The following TMEM132D variants were observed in gnomAD, a reference collection of about 807,000 sequenced individuals.
TMEM132D encodes the protein mature OL transmembrane protein.
TMEM132D carries 21 observed loss-of-function variants against 62.3 expected under a neutral mutation model. The ratio of observed to expected loss-of-function variants is 0.34; its 90% confidence interval spans 0.24 to 0.49. TMEM132D has a LOEUF of 0.49. TMEM132D is among the 20% of genes least tolerant of loss of function. The probability of loss-of-function intolerance (pLI) is 0.99; values close to 1 mark genes in which losing one functional copy is unlikely to be tolerated. For synonymous variants in TMEM132D, 621 were observed against 575.6 expected (o/e 1.08, Z -1.13); for missense variants, 1,346 against 1,402.8 (o/e 0.96, Z 0.65).
At chr12:129,895,004 C>T (rs1369387654) in intron 1 of TMEM132D, among the ~76,000 whole-genome samples, 1 of 152,170 alleles carries the variant, frequency 6.6e-6, no homozygotes, top group African/African-American at 2.4e-5. Context: ...TGTAGCTGCT[C>T]TTCTGAGGTT....
At chr12:129,809,878 T>C (rs984732530) in intron 1 of TMEM132D, among the ~76,000 whole-genome samples, 3 of 151,988 alleles carry the variant, frequency 2.0e-5, no homozygotes, top group Non-Finnish European at 2.9e-5. Flanking sequence ...AATTTGAAAA[T>C]CTGGAGAAAA....
chr12:129,467,356 G>T (rs1403153870), intron 3 of TMEM132D, among the ~76,000 whole-genome samples: 2 of 152,146 alleles, frequency 1.3e-5, no homozygotes, highest in African/African-American at 4.8e-5. Flanking sequence ...AAAGGAAGCT[G>T]GGGGCTTAAG....
chr12:129,240,702 C>T (rs932658217), intron 4 of TMEM132D, among the ~76,000 whole-genome samples: 2 of 152,298 alleles, frequency 1.3e-5, no homozygotes, highest in Non-Finnish European at 2.9e-5. Flanking sequence ...AAGGTTGAGG[C>T]GCTGGAACGT....
intron 3 of TMEM132D, among the ~76,000 whole-genome samples, chr12:129,347,253 C>A (rs747784023): frequency 6.6e-6 from 1 of 152,184 alleles, no homozygotes; most frequent in Non-Finnish European, 1.5e-5. Flanking sequence ...ATAGCCAAGA[C>A]AGTCCTAAGC....
chr12:129,785,195 T>C (rs1871219376), intron 1 of TMEM132D, among the ~76,000 whole-genome samples: 2 of 152,110 alleles, frequency 1.3e-5, no homozygotes, highest in African/African-American at 4.8e-5. Flanking sequence ...ATTGCAGCAA[T>C]GAGCCAAGCA....
At chr12:129,529,042 CATATT>C (rs1174576943) in intron 3 of TMEM132D, among the ~76,000 whole-genome samples, 9 of 152,138 alleles carry the variant, frequency 5.9e-5, no homozygotes, top group Non-Finnish European at 1.3e-4. Context: ...ACACATATAA[CATATT>C]ATACACATAT....
intron 3 of TMEM132D, among the ~76,000 whole-genome samples, chr12:129,486,216 G>A (rs1465422077): frequency 6.6e-6 from 1 of 152,220 alleles, no homozygotes; most frequent in African/African-American, 2.4e-5. Context: ...GCTGCCCGCT[G>A]CAGTCCCTTG....
intron 5 of TMEM132D, among the ~76,000 whole-genome samples, chr12:129,165,932 A>G (rs1451675681): frequency 1.3e-5 from 2 of 152,208 alleles, no homozygotes; most frequent in Non-Finnish European, 2.9e-5. Flanking sequence ...GACGCTGACT[A>G]TGGGCTGAGC....
At chr12:129,460,131 G>C (rs778839017) in intron 3 of TMEM132D, among the ~76,000 whole-genome samples, 1 of 152,136 alleles carries the variant, frequency 6.6e-6, no homozygotes, top group Non-Finnish European at 1.5e-5. Flanking sequence ...AATCAAGACT[G>C]ACCCATGAAA....
chr12:129,720,721 CAGAG>C (rs1868792776), intron 1 of TMEM132D, among the ~76,000 whole-genome samples: 1 of 152,238 alleles, frequency 6.6e-6, no homozygotes, highest in Non-Finnish European at 1.5e-5. Context: ...CAGCAATGAA[CAGAG>C]AGAATCTGCT....
intron 2 of TMEM132D, among the ~76,000 whole-genome samples, chr12:129,581,764 T>C (rs1877870611): frequency 6.6e-6 from 1 of 152,210 alleles, no homozygotes. Flanking sequence ...CAATCTCCTT[T>C]GGTAATGCCC....
chr12:129,339,566 T>C (rs561408525), intron 3 of TMEM132D, among the ~76,000 whole-genome samples: 2 of 152,262 alleles, frequency 1.3e-5, no homozygotes, highest in Admixed American at 1.3e-4. Context: ...CACGGTGGGC[T>C]TTTTTCTCCC....
Position 129,137,768 on chromosome 12 carries a change from C to T in TMEM132D, c.1444-53066G>A, listed in dbSNP as rs558605954. ...TATCTTGCAACCATGAGGCAACAGA[C>T]ATGAGCAAGAAAACCAACCTGCTAA... On this transcript the variant is annotated intron_variant, in intron 5 of 8. Transcript: ENST00000422113. 7.9e-5 allele frequency among the ~76,000 whole-genome samples: 12 copies of T among 152,294 alleles called. No homozygotes were observed. In the South Asian group the frequency reaches 2.5e-3, roughly 32 times the overall value.
intron 3 of TMEM132D, among the ~76,000 whole-genome samples, chr12:129,429,741 G>T (rs56289327): frequency 3.7e-5 from 3 of 81,816 alleles, no homozygotes; most frequent in East Asian, 3.3e-4. Flanking sequence ...CCCCTCCCCC[G>T]ACCCCACAAC....
chr12:129,580,107 G>A (rs147961249), intron 2 of TMEM132D, among the ~76,000 whole-genome samples: 1,664 of 152,276 alleles, frequency 0.011, 71 homozygotes, highest in Admixed American at 0.072. Context: ...GCCCACTTGA[G>A]GAACGAAAGG....
chr12:129,324,595 C>T (rs1450313685), intron 4 of TMEM132D, among the ~76,000 whole-genome samples: 3 of 152,116 alleles, frequency 2.0e-5, no homozygotes, highest in African/African-American at 7.2e-5. Flanking sequence ...CTTTGGGAGG[C>T]AGAGGTGGGT....
At chr12:129,879,535 A>AT (rs1418816152) in intron 1 of TMEM132D, among the ~76,000 whole-genome samples, 1 of 152,230 alleles carries the variant, frequency 6.6e-6, no homozygotes, top group Non-Finnish European at 1.5e-5. Context: ...AACGTGAGTA[A>AT]TGGCTCAGTT....
rs376007280 is a variant in TMEM132D at position 129,084,593 on chromosome 12, G to A, written c.1553C>T (p.Thr518Met). ...CAGCGGAAGCCGGGGCACCCACACC[G>A]TCATCTCCAGGGGGCTGCTCAGGTG... ...YQHLSSPLEM[T>M]VWVPRLPLQI... Residue 518 changes from threonine (T) to methionine (M), a missense_variant, in exon 6 of 9, where the codon ACG becomes ATG. Coordinates refer to ENST00000422113, the MANE Select transcript of TMEM132D (RefSeq NM_133448.3). 5.0e-5 allele frequency: 80 copies of A among 1,613,952 alleles called. No homozygotes were observed. Among genetic ancestry groups the A allele is most frequent in the Admixed American group, 1.3e-4 (8 of 59,994 alleles).
chr12:129,290,863 T>C (rs938493696), intron 4 of TMEM132D, among the ~76,000 whole-genome samples: 9 of 151,976 alleles, frequency 5.9e-5, no homozygotes, highest in African/African-American at 2.2e-4. Context: ...TAGGGCCAGG[T>C]TCTCTATTTA....
Sources: allele counts gnomAD v4.1 joint callset (sites outside exome capture counted in the v4.1 genomes callset), GRCh38; gene constraint gnomAD v4.1.1; transcripts MANE v1.5; gene names NCBI Gene and HGNC (gene_info 2026-07-23, HGNC 2026-07-21).